IRAK1BP1: variants seen among roughly 807,000 people sequenced by gnomAD.
The protein encoded by IRAK1BP1 is interleukin 1 receptor associated kinase 1 binding protein 1, also known as interleukin-1 receptor-associated kinase 1-binding protein 1.
A neutral mutation model predicts 28.0 loss-of-function variants in IRAK1BP1; 24 were observed. The ratio of observed to expected loss-of-function variants is 0.86; its 90% CI spans 0.62 to 1.20. The LOEUF is 1.20. Ranked by LOEUF, IRAK1BP1 falls within the 50% of genes most tolerant of loss-of-function variation. IRAK1BP1 has a pLI of 0.00. For synonymous variants in IRAK1BP1, 131 were observed against 116.3 expected (o/e 1.13, Z -0.81); for missense variants, 336 against 316.7 (o/e 1.06, Z -0.46).
intron 1 of IRAK1BP1, among the ~76,000 whole-genome samples, chr6:78,874,680 AT>A (rs1220103346): frequency 6.6e-6 from 1 of 152,178 alleles, no homozygotes; most frequent in African/African-American, 2.4e-5. Context: ...TATACAAAAA[AT>A]TTCTATTTAT....
intron 2 of IRAK1BP1, among the ~76,000 whole-genome samples, chr6:78,888,320 TAAG>T (rs1771502857): frequency 6.6e-6 from 1 of 152,142 alleles, no homozygotes; most frequent in South Asian, 2.1e-4. Flanking sequence ...AAAAATTTGT[TAAG>T]AGGGTAGATC....
At chr6:78,872,018 C>T (rs1562073536) in intron 1 of IRAK1BP1, 4 of 629,864 alleles carry the variant, frequency 6.4e-6, no homozygotes, top group Non-Finnish European at 1.1e-5. Context: ...GAATTAAAGT[C>T]CTCTCCCCCA....
At chr6:78,908,513 C>T (rs1428385916) in intron 4 of IRAK1BP1, among the ~76,000 whole-genome samples, 2 of 151,898 alleles carry the variant, frequency 1.3e-5, no homozygotes, top group East Asian at 3.9e-4. Context: ...GCTAATTTTC[C>T]TATTTTTAGT....
intron 4 of IRAK1BP1, chr6:78,935,784 CTTG>C: frequency 2.0e-6 from 2 of 980,880 alleles, no homozygotes; most frequent in Non-Finnish European, 2.4e-6. Flanking sequence ...TGGTAAGCAG[CTTG>C]TTGAGATTAT....
intron 1 of IRAK1BP1, among the ~76,000 whole-genome samples, 162 bp downstream of exon 1, chr6:78,868,053 G>C (rs1016606156): frequency 6.6e-6 from 1 of 152,234 alleles, no homozygotes; most frequent in Non-Finnish European, 1.5e-5. Flanking sequence ...GGACCTGGCA[G>C]AGTGAATATT....
rs781663664 is a variant in IRAK1BP1 at position 78,867,586 on chromosome 6, C to CA, written c.14dup (p.Thr6AspfsTer15). Reference sequence around the variant, plus strand: ...CCCAGCTGCCATCGCTATGTCTCTGCAAAAGACCCCTCCGACCCGAGTGTT... The same window carrying CA: ...CCCAGCTGCCATCGCTATGTCTCTGCAAAAAGACCCCTCCGACCCGAGTGTT... On this transcript the variant is annotated frameshift_variant, in exon 1 of 4. Coordinates refer to ENST00000369940, the MANE Select transcript of IRAK1BP1 (RefSeq NM_001010844.4). LOFTEE classifies it high-confidence loss of function. 1 of 1,613,646 alleles carries CA rather than the reference C, an allele frequency of 6.2e-7. No individual in the cohort carries two copies. The highest frequency in any genetic ancestry group is 1.1e-5 in the South Asian group (1 of 91,048).
chr6:78,932,296 G>A (rs752539598), intron 4 of IRAK1BP1, among the ~76,000 whole-genome samples: 13 of 151,964 alleles, frequency 8.6e-5, no homozygotes, highest in African/African-American at 1.5e-4. Flanking sequence ...AATGAATCAC[G>A]AACGTTCTTA....
intron 1 of IRAK1BP1, among the ~76,000 whole-genome samples, chr6:78,881,895 T>A (rs776139166): frequency 6.6e-5 from 10 of 152,078 alleles, no homozygotes; most frequent in African/African-American, 1.9e-4. Flanking sequence ...TTAAAATGAA[T>A]TCTGTGATTC....
intron 4 of IRAK1BP1, chr6:78,935,787 G>T: frequency 5.1e-6 from 5 of 979,256 alleles, no homozygotes; most frequent in Non-Finnish European, 4.9e-6. Flanking sequence ...TAAGCAGCTT[G>T]TTGAGATTAT....
chr6:78,945,412 A>C lies in IRAK1BP1; in HGVS notation c.*72A>C. ...TTTCCATGTTTTCTTTTGCAGAATT[A>C]TTCCTAGTGCCATGACTAAAACTGG... On this transcript the variant is annotated 3_prime_UTR_variant and NMD_transcript_variant, in exon 5 of 5. Coordinates refer to the IRAK1BP1 transcript ENST00000606868. The C allele has an allele frequency of 2.5e-6, 4 of 1,612,096 alleles. No individual in the cohort carries two copies. Among genetic ancestry groups the C allele is most frequent in the Non-Finnish European group, 3.4e-6 (4 of 1,178,200 alleles).
chr6:78,958,305 G>A, the IRAK1BP1 span: 5 of 449,988 alleles, frequency 1.1e-5, no homozygotes, highest in African/African-American at 8.0e-5. Flanking sequence ...CTGAAACCCA[G>A]GATCAAACCA....
At chr6:78,910,572 G>A (rs894636627) in intron 4 of IRAK1BP1, among the ~76,000 whole-genome samples, 14 of 152,222 alleles carry the variant, frequency 9.2e-5, no homozygotes, top group African/African-American at 3.4e-4. Flanking sequence ...AAATACCTAA[G>A]GAAATGGACT....
intron 4 of IRAK1BP1, chr6:78,939,596 T>C (rs890683386): frequency 1.3e-5 from 2 of 151,944 alleles, no homozygotes; most frequent in African/African-American, 4.8e-5. Flanking sequence ...TTTGTATATA[T>C]ATTTAATTAT....
intron 4 of IRAK1BP1, among the ~76,000 whole-genome samples, chr6:78,927,006 A>G (rs993580364): frequency 6.6e-6 from 1 of 152,166 alleles, no homozygotes; most frequent in Non-Finnish European, 1.5e-5. Flanking sequence ...TACAATAAAC[A>G]TGGAAGTTCA....
intron 2 of IRAK1BP1, among the ~76,000 whole-genome samples, chr6:78,887,496 T>G (rs1771470321): frequency 6.6e-6 from 1 of 152,046 alleles, no homozygotes; most frequent in South Asian, 2.1e-4. Flanking sequence ...AAACCCCATC[T>G]CTACTAAAAA....
At chr6:78,919,949 A>G (rs1488134345) in intron 4 of IRAK1BP1, among the ~76,000 whole-genome samples, 1 of 152,218 alleles carries the variant, frequency 6.6e-6, no homozygotes, top group East Asian at 1.9e-4. Flanking sequence ...AACTGCATCC[A>G]GCAGCACATC....
the IRAK1BP1 span, among the ~76,000 whole-genome samples, chr6:78,962,183 C>A: frequency 6.6e-6 from 1 of 152,126 alleles, no homozygotes; most frequent in African/African-American, 2.4e-5. Context: ...TCAAATCTAA[C>A]CTTTGACTTT....
intron 4 of IRAK1BP1, among the ~76,000 whole-genome samples, chr6:78,928,287 ATTAT>A (rs924756737): frequency 7.9e-5 from 12 of 151,840 alleles, no homozygotes; most frequent in African/African-American, 2.4e-4. Flanking sequence ...TATAAATGGG[ATTAT>A]TTGTTTGACT....
chr6:78,945,643 GA>G, exon 5 of IRAK1BP1: 1 of 642,952 alleles, frequency 1.6e-6, no homozygotes, highest in Non-Finnish European at 2.7e-6. Flanking sequence ...TTTCTAATAG[GA>G]AAAAGGCGTA....
Sources: allele counts gnomAD v4.1 joint callset (sites outside exome capture counted in the v4.1 genomes callset), GRCh38; gene constraint gnomAD v4.1.1; transcripts MANE v1.5; gene names NCBI Gene and HGNC (gene_info 2026-07-23, HGNC 2026-07-21).